TBC1D22A: variants seen among roughly 807,000 people sequenced by gnomAD.
The protein encoded by TBC1D22A is putative GTPase activator.
A neutral mutation model predicts 60.2 loss-of-function variants in TBC1D22A; 38 were observed. The ratio of observed to expected loss-of-function variants is 0.63; its 90% confidence interval spans 0.49 to 0.83. The LOEUF (loss-of-function observed/expected upper bound fraction) is 0.83, where lower values mean the gene tolerates loss of function less well. Ranked by LOEUF, TBC1D22A falls within the 40% of genes least tolerant of loss-of-function variation. The pLI is 0.00. For synonymous variants in TBC1D22A, 302 were observed against 281.7 expected (o/e 1.07, Z -0.72); for missense variants, 628 against 701.0 (o/e 0.90, Z 1.18).
At chr22:47,062,467 A>G (rs1434998368) in intron 11 of TBC1D22A, among the ~76,000 whole-genome samples, 1 of 152,136 alleles carries the variant, frequency 6.6e-6, no homozygotes, top group Non-Finnish European at 1.5e-5. Flanking sequence ...GTCCTGAACC[A>G]ATGTCCGTGT....
intron 8 of TBC1D22A, among the ~76,000 whole-genome samples, chr22:46,964,688 GT>G (rs563740298): frequency 2.4e-4 from 36 of 152,330 alleles, no homozygotes; most frequent in African/African-American, 7.2e-4. Flanking sequence ...AATGTAAGCA[GT>G]TTTTTACCTG....
intron 12 of TBC1D22A, among the ~76,000 whole-genome samples, chr22:47,127,007 G>T (rs116843262): frequency 3.3e-4 from 50 of 152,276 alleles, no homozygotes; most frequent in Non-Finnish European, 6.8e-4. Flanking sequence ...CACAATACAC[G>T]CAATATCCAC....
At chr22:46,780,497 T>C (rs1371106727) in intron 1 of TBC1D22A, among the ~76,000 whole-genome samples, 3 of 151,276 alleles carry the variant, frequency 2.0e-5, no homozygotes, top group African/African-American at 7.3e-5. Flanking sequence ...AGCACCTTGG[T>C]GTAGAGGCTT....
intron 11 of TBC1D22A, among the ~76,000 whole-genome samples, chr22:47,051,507 G>C (rs1476026781): frequency 6.6e-6 from 1 of 152,192 alleles, no homozygotes; most frequent in Non-Finnish European, 1.5e-5. Context: ...GTGGCTTCGG[G>C]AGCCGGGAGC....
At chr22:46,764,525 G>T (rs1047961916) in intron 1 of TBC1D22A, among the ~76,000 whole-genome samples, 1 of 152,174 alleles carries the variant, frequency 6.6e-6, no homozygotes, top group Non-Finnish European at 1.5e-5. Flanking sequence ...CCTTTGGATT[G>T]AAGGCTGTGG....
intron 8 of TBC1D22A, among the ~76,000 whole-genome samples, chr22:46,940,255 G>A (rs1341325837): frequency 1.3e-5 from 2 of 152,068 alleles, no homozygotes; most frequent in Non-Finnish European, 1.5e-5. Context: ...CTCGACGGAG[G>A]GTCACTACAG....
At chr22:46,858,493 C>T (rs1009649365) in intron 4 of TBC1D22A, among the ~76,000 whole-genome samples, 2 of 152,182 alleles carry the variant, frequency 1.3e-5, no homozygotes, top group African/African-American at 2.4e-5. Context: ...GTGTATCTCA[C>T]GGATGACCAA....
chr22:47,034,220 G>A (rs914896230), intron 10 of TBC1D22A, among the ~76,000 whole-genome samples: 2 of 152,228 alleles, frequency 1.3e-5, no homozygotes, highest in African/African-American at 4.8e-5. Flanking sequence ...GACCTGCACT[G>A]CAGCCCTCCC....
intron 8 of TBC1D22A, among the ~76,000 whole-genome samples, chr22:46,960,044 C>A (rs1165090373): frequency 6.6e-6 from 1 of 152,180 alleles, no homozygotes; most frequent in Non-Finnish European, 1.5e-5. Flanking sequence ...CAAAGACTAA[C>A]ATCTCGTTAG....
chr22:46,816,206 C>G (rs2085592451), intron 4 of TBC1D22A, among the ~76,000 whole-genome samples: 1 of 152,210 alleles, frequency 6.6e-6, no homozygotes, highest in Non-Finnish European at 1.5e-5. Flanking sequence ...GCGGTGCTGT[C>G]CCTGAGCCTC....
intron 7 of TBC1D22A, among the ~76,000 whole-genome samples, chr22:46,896,557 A>G (rs1377725573): frequency 6.6e-6 from 1 of 152,172 alleles, no homozygotes; most frequent in African/African-American, 2.4e-5. Flanking sequence ...CTCCTGGGAC[A>G]GTGGCAGTCC....
chr22:47,094,920 G>A (rs1442154111), intron 11 of TBC1D22A, among the ~76,000 whole-genome samples: 2 of 152,102 alleles, frequency 1.3e-5, no homozygotes, highest in Non-Finnish European at 2.9e-5. Context: ...CTCAAGACCT[G>A]GACAGACACA....
intron 3 of TBC1D22A, among the ~76,000 whole-genome samples, chr22:46,794,395 G>A (rs2084561255): frequency 6.6e-6 from 1 of 152,234 alleles, no homozygotes; most frequent in African/African-American, 2.4e-5. Context: ...CCCTCGGGTG[G>A]GGTCGTGTCT....
At chr22:46,949,776 T>C (rs2072784259) in intron 8 of TBC1D22A, among the ~76,000 whole-genome samples, 1 of 152,200 alleles carries the variant, frequency 6.6e-6, no homozygotes, top group Admixed American at 6.5e-5. Flanking sequence ...TTGCAGTCTT[T>C]AATGCTGGCT....
intron 4 of TBC1D22A, among the ~76,000 whole-genome samples, chr22:46,823,776 C>A (rs2085929727): frequency 6.6e-6 from 1 of 152,234 alleles, no homozygotes; most frequent in Non-Finnish European, 1.5e-5. Flanking sequence ...CAGCTCACAG[C>A]ACTTCTGGGG....
At chr22:46,812,253 G>C (rs1211958782) in intron 4 of TBC1D22A, among the ~76,000 whole-genome samples, 1 of 152,178 alleles carries the variant, frequency 6.6e-6, no homozygotes, top group East Asian at 1.9e-4. Context: ...TCTGGGTCTG[G>C]TGGCAGCTTC....
chr22:46,931,401 AGTCATT>A (rs2071348286), intron 8 of TBC1D22A, among the ~76,000 whole-genome samples: 1 of 152,200 alleles, frequency 6.6e-6, no homozygotes, highest in Admixed American at 6.5e-5. Flanking sequence ...TTAAAATTAC[AGTCATT>A]GTTGAAGTGG....
intron 10 of TBC1D22A, among the ~76,000 whole-genome samples, chr22:47,033,542 C>G (rs377349937): frequency 7.8e-4 from 119 of 152,260 alleles, no homozygotes; most frequent in African/African-American, 2.7e-3. Context: ...TGGACCCACA[C>G]CTGACCAGCT....
At chr22:47,075,009 G>T (rs2064146043) in intron 11 of TBC1D22A, among the ~76,000 whole-genome samples, 1 of 152,148 alleles carries the variant, frequency 6.6e-6, no homozygotes. Flanking sequence ...AGATCACGAG[G>T]TCAGGAGATT....
Sources: gnomAD v4.1 joint callset for allele counts (sites outside exome capture counted in the v4.1 genomes callset) on GRCh38, gnomAD v4.1.1 for gene constraint, MANE v1.5 for transcripts, NCBI Gene and HGNC (gene_info 2026-07-23, HGNC 2026-07-21) for gene names.